Variants in DNAJC1 observed in about 807,000 individuals in gnomAD.
DNAJC1 encodes dnaJ homolog subfamily C member 1.
DNAJC1 carries 58 observed loss-of-function variants against 76.6 expected under a neutral mutation model. The observed-to-expected ratio is 0.76, with a 90% CI of 0.61 to 0.94. The LOEUF (loss-of-function observed/expected upper bound fraction) is 0.94. Ranked by LOEUF, DNAJC1 falls within the 40% of genes least tolerant of loss-of-function variation. DNAJC1 has a pLI of 0.00. For synonymous variants in DNAJC1, 258 were observed against 267.9 expected, an observed-to-expected ratio of 0.96 and a Z score of 0.36; for missense variants, 689 against 677.3, an observed-to-expected ratio of 1.02 and a Z score of -0.19.
chr10:21,843,882 A>C (rs918149698), intron 8 of DNAJC1, among the ~76,000 whole-genome samples: 3 of 151,910 alleles, frequency 2.0e-5, no homozygotes, highest in Admixed American at 2.0e-4. Context: ...CTGTGTCCTC[A>C]CACAAATCTC....
intron 1 of DNAJC1, among the ~76,000 whole-genome samples, chr10:21,982,247 T>C (rs143285288): frequency 5.3e-5 from 8 of 152,278 alleles, no homozygotes; most frequent in Admixed American, 2.6e-4. Flanking sequence ...TATATATAAA[T>C]TGACTTAAAA....
intron 1 of DNAJC1, among the ~76,000 whole-genome samples, chr10:21,941,549 C>CA (rs1347558428): frequency 1.3e-5 from 2 of 151,458 alleles, no homozygotes. Context: ...TAAAATCCTT[C>CA]AAAAAAAGGA....
chr10:21,954,515 G>T (rs1329717150), intron 1 of DNAJC1, among the ~76,000 whole-genome samples: 2 of 152,112 alleles, frequency 1.3e-5, no homozygotes, highest in Admixed American at 6.5e-5. Flanking sequence ...CGCCCCAAAC[G>T]TAATTTTTCA....
intron 9 of DNAJC1, among the ~76,000 whole-genome samples, chr10:21,778,938 A>G (rs934446833): frequency 6.6e-6 from 1 of 152,228 alleles, no homozygotes; most frequent in Non-Finnish European, 1.5e-5. Flanking sequence ...ACGGCACACC[A>G]GGAGATTATA....
At chr10:21,874,495 G>A (rs1421029029) in intron 8 of DNAJC1, among the ~76,000 whole-genome samples, 1 of 150,760 alleles carries the variant, frequency 6.6e-6, no homozygotes, top group Non-Finnish European at 1.5e-5. Context: ...CTACAAATAA[G>A]CCATGAGAAC....
chr10:21,854,642 T>A (rs1647468130), intron 8 of DNAJC1, among the ~76,000 whole-genome samples: 1 of 152,108 alleles, frequency 6.6e-6, no homozygotes, highest in Non-Finnish European at 1.5e-5. Context: ...ATATCAGTTG[T>A]TAGGAAGTGA....
chr10:21,780,113 G>A (rs969369364), intron 9 of DNAJC1, among the ~76,000 whole-genome samples: 3 of 152,178 alleles, frequency 2.0e-5, no homozygotes, highest in Admixed American at 1.3e-4. Context: ...CCAAATTTAC[G>A]TCTGATTGGT....
intron 9 of DNAJC1, among the ~76,000 whole-genome samples, chr10:21,779,296 C>T (rs1834496158): frequency 6.6e-6 from 1 of 152,202 alleles, no homozygotes; most frequent in Non-Finnish European, 1.5e-5. Flanking sequence ...CAGACTGCCT[C>T]CTCAAGTGAG....
At chr10:21,894,774 C>T (rs186837713) in intron 7 of DNAJC1, among the ~76,000 whole-genome samples, 69 of 152,282 alleles carry the variant, frequency 4.5e-4, no homozygotes, top group Admixed American at 4.3e-3. Context: ...ATGAGGGCTC[C>T]TCCCTCATAA....
At chr10:21,927,680 C>G (rs1465511045) in intron 3 of DNAJC1, among the ~76,000 whole-genome samples, 1 of 152,054 alleles carries the variant, frequency 6.6e-6, no homozygotes, top group Non-Finnish European at 1.5e-5. Flanking sequence ...TAAGAAATAT[C>G]TTGTGAAACT....
chr10:21,928,335 T>C (rs533243001), intron 3 of DNAJC1, among the ~76,000 whole-genome samples, 171 bp downstream of exon 3: 1 of 152,332 alleles, frequency 6.6e-6, no homozygotes, highest in African/African-American at 2.4e-5. Context: ...GTGAATACTT[T>C]CAATAAAATT....
chr10:21,776,210 C>G (rs997980617), intron 9 of DNAJC1, among the ~76,000 whole-genome samples: 1 of 152,020 alleles, frequency 6.6e-6, no homozygotes, highest in Non-Finnish European at 1.5e-5. Context: ...GTTCACAGGC[C>G]AGAGCTAGGA....
intron 1 of DNAJC1, chr10:21,933,352 C>T (rs1367363135): frequency 1.3e-5 from 2 of 152,612 alleles, no homozygotes; most frequent in African/African-American, 4.8e-5. Context: ...AGCTGTGCTC[C>T]CCTGCTAGAA....
intron 6 of DNAJC1, among the ~76,000 whole-genome samples, chr10:21,907,116 A>G (rs572752610): frequency 6.6e-6 from 1 of 152,254 alleles, no homozygotes; most frequent in South Asian, 2.1e-4. Flanking sequence ...CTGCTATGGG[A>G]CATAATCCCA....
chr10:21,759,686 G>C (rs142068685), intron 10 of DNAJC1, 68 bp from the exon 11 acceptor site: 1 of 1,488,378 alleles, frequency 6.7e-7, no homozygotes, highest in Non-Finnish European at 9.2e-7. Context: ...GAGAACAGCA[G>C]CTGCCGGGCA....
chr10:21,905,218 C>T (rs937668070), intron 6 of DNAJC1, among the ~76,000 whole-genome samples: 2 of 150,416 alleles, frequency 1.3e-5, no homozygotes, highest in African/African-American at 4.9e-5. Context: ...TGACTGAAGT[C>T]TCAATGAGTG....
At chr10:21,765,517 A>G (rs928265355) in intron 10 of DNAJC1, among the ~76,000 whole-genome samples, 5 of 152,226 alleles carry the variant, frequency 3.3e-5, no homozygotes, top group African/African-American at 1.2e-4. Flanking sequence ...GACTCTAACA[A>G]AATTCCAGTT....
intron 1 of DNAJC1, among the ~76,000 whole-genome samples, chr10:21,992,640 C>CATATCT (rs1483271407): frequency 6.6e-6 from 1 of 152,110 alleles, no homozygotes; most frequent in African/African-American, 2.4e-5. Flanking sequence ...TTTTGTATCA[C>CATATCT]ATATCTATTG....
At chr10:21,897,962 A>G (rs1312571613) in intron 7 of DNAJC1, among the ~76,000 whole-genome samples, 1 of 152,246 alleles carries the variant, frequency 6.6e-6, no homozygotes, top group Non-Finnish European at 1.5e-5. Flanking sequence ...AACTGTCTAC[A>G]CAGAAAATCC....
Sources: gnomAD v4.1 joint callset for allele counts (sites outside exome capture counted in the v4.1 genomes callset) on GRCh38, gnomAD v4.1.1 for gene constraint, MANE v1.5 for transcripts, NCBI Gene and HGNC (gene_info 2026-07-23, HGNC 2026-07-21) for gene names.